The following ANKLE2 variants were observed in gnomAD, a reference collection of about 807,000 sequenced individuals.
The protein encoded by ANKLE2 is ankyrin repeat and LEM domain containing 2.
In ANKLE2, 55 loss-of-function variants were observed where a neutral mutation model predicts 84.2. The ratio of observed to expected loss-of-function variants is 0.65; its 90% CI spans 0.53 to 0.82. The LOEUF (loss-of-function observed/expected upper bound fraction) is 0.82. ANKLE2 is among the 40% of genes least tolerant of loss of function. The pLI is 0.00. For missense variants in ANKLE2, 1,238 were observed against 1,201.9 expected, an observed-to-expected ratio of 1.03 and a Z score of -0.44; for synonymous variants, 551 against 486.1, an observed-to-expected ratio of 1.13 and a Z score of -1.76.
In ANKLE2 at chr12:132,754,688, G is replaced by A. The variant is rs1212519582; in HGVS notation, c.627C>T (p.Val209=). ...YYGVCPVYED[V]PARNERIYVY... ...CGGTCCCATTACCATTTCTCGCTGG[G>A]ACGTCCTCATACACTGGACACACCC... The change falls in exon 2 of 13, where the codon GTC becomes GTT. Residue 209 remains valine, a synonymous_variant. Transcript: ENST00000357997. 1.2e-6 allele frequency: 2 copies of A among 1,600,636 alleles called. No homozygotes were observed. Among genetic ancestry groups the A allele is most frequent in the Admixed American group, 1.7e-5 (1 of 58,126 alleles).
rs2044279927 is a variant in ANKLE2 at position 132,748,169 on chromosome 12, A to G, written c.1010T>C (p.Ile337Thr). Residue 337 changes from isoleucine (I) to threonine (T), a missense_variant, in exon 4 of 13, where the codon ATA becomes ACA. This residue lies in a region of ANKLE2 where 14 missense variants were observed against 33.0 expected (regional missense o/e 0.42). Transcript: ENST00000357997. ...GATAGTGGGGTTGTCTCCTGAGCCTATCAGATACCGGGGGTTGCTCCAGAT... is the reference window on the plus strand; with the variant it reads ...GATAGTGGGGTTGTCTCCTGAGCCTGTCAGATACCGGGGGTTGCTCCAGAT... ...DLIWSNPRYL[I>T]GSGDNPTIVQ... 1 of 1,613,732 alleles carries G rather than the reference A, an allele frequency of 6.2e-7. No homozygotes were observed.
chr12:132,731,524 TCACACA>T lies in ANKLE2; in HGVS notation c.1892-1260_1892-1255del, dbSNP rs143631173. The T allele has an allele frequency of 3.5e-5, 5 of 144,712 alleles. No individual in the cohort carries two copies. The South Asian group carries it at 6.5e-4, about 19-fold the overall frequency. The allele number at this position is 144,712 out of a possible 1,614,324, so 9.0% of individuals were successfully genotyped here. ...CACACAAACTCACACAGACACACAC[TCACACA>T]CACACACACACAGTTTAAACTGTAT... On this transcript the variant is annotated intron_variant, in intron 10 of 12. Coordinates refer to ENST00000357997, the MANE Select transcript of ANKLE2 (RefSeq NM_015114.3).
chr12:132,735,453 G>A lies in ANKLE2; in HGVS notation c.1653C>T (p.His551=). Reference sequence around the variant, plus strand: ...TTTCCGGGTCCGACTTCTTGACGTGGTGAAGGAAGCCTGCTTTCTCTCGAG... The same window carrying A: ...TTTCCGGGTCCGACTTCTTGACGTGATGAAGGAAGCCTGCTTTCTCTCGAG... ...TPPREKAGFL[H]HVKKSDPERG... is the part of the protein sequence containing the mutation. The change falls in exon 9 of 13, where the codon CAC becomes CAT. Residue 551 remains histidine (H), a synonymous_variant. Coordinates refer to ENST00000357997, the MANE Select transcript of ANKLE2 (RefSeq NM_015114.3). The A allele has an allele frequency of 6.2e-7, 1 of 1,614,088 alleles. No individual in the cohort carries two copies. Among genetic ancestry groups the A allele is most frequent in the Non-Finnish European group, 8.5e-7 (1 of 1,180,016 alleles).
intron 2 of ANKLE2, 100 bp from the exon 3 acceptor site, chr12:132,750,949 C>T: frequency 9.5e-7 from 1 of 1,055,356 alleles, no homozygotes; most frequent in Non-Finnish European, 1.4e-6. Context: ...ACATCTGCTA[C>T]CCAGTCGCCT....
chr12:132,749,274 G>A (rs2044307068), intron 3 of ANKLE2, among the ~76,000 whole-genome samples: 10 of 152,126 alleles, frequency 6.6e-5, no homozygotes, highest in Admixed American at 6.6e-4. Context: ...TCCTGCCTCA[G>A]CCTCCCAAGT....
chr12:132,753,349 A>C (rs2044400921), intron 2 of ANKLE2, among the ~76,000 whole-genome samples: 1 of 152,028 alleles, frequency 6.6e-6, no homozygotes, highest in African/African-American at 2.4e-5. Context: ...AAAACAACCA[A>C]TTAGCTAGGC....
chr12:132,730,301 T>C (rs770249853), intron 10 of ANKLE2, 31 bp from the exon 11 acceptor site: 61 of 1,521,442 alleles, frequency 4.0e-5, no homozygotes, highest in South Asian at 5.0e-5. Flanking sequence ...ACTTCAGTGA[T>C]GGGAACGACA....
chr12:132,746,639 T>C (rs2044244801), intron 5 of ANKLE2, among the ~76,000 whole-genome samples: 1 of 152,180 alleles, frequency 6.6e-6, no homozygotes, highest in African/African-American at 2.4e-5. Context: ...CAGTGGACTT[T>C]TCAAAAATCG....
intron 5 of ANKLE2, among the ~76,000 whole-genome samples, chr12:132,746,205 C>T (rs1306569854): frequency 6.6e-6 from 1 of 152,090 alleles, no homozygotes; most frequent in Non-Finnish European, 1.5e-5. Flanking sequence ...AAAAATTAGC[C>T]AGGCATGGTG....
At chr12:132,739,326 A>G (rs2044076129) in intron 7 of ANKLE2, among the ~76,000 whole-genome samples, 1 of 152,150 alleles carries the variant, frequency 6.6e-6, no homozygotes, top group Non-Finnish European at 1.5e-5. Context: ...TCCATTCAAG[A>G]GTACTAATTT....
In ANKLE2 at chr12:132,750,635, T is replaced by A. The variant is rs1022520233; in HGVS notation, c.847+8A>T. The stretch of plus-strand genomic sequence containing the variant: ...GAACATCAAGATGTGAACGGCTGCA[T>A]GATTTACCTTTCAACCTGTCATTGC... On this transcript the variant is annotated splice_region_variant and intron_variant, in intron 3 of 12. Transcript: ENST00000357997. The A allele has an allele frequency of 1.2e-6, 2 of 1,613,654 alleles. No homozygotes were observed. The highest frequency in any genetic ancestry group is 1.3e-5 in the African/African-American group (1 of 74,932).
In ANKLE2 at chr12:132,732,878, A is replaced by G. The variant is rs1167414770; in HGVS notation, c.1891+1507T>C. Among the ~76,000 whole-genome samples the G allele has an allele frequency of 3.4e-3, 233 of 69,268 alleles. 1 individual carries two copies. The highest frequency in any genetic ancestry group is 0.031 in the Middle Eastern group (2 of 64). The allele number at this position is 69,268 out of a possible 152,430, so 45.4% of individuals were successfully genotyped here. Reference sequence around the variant, plus strand: ...ATATGCACCGTGTGAAGCGCTCTGCATCCTGGTGTCTGAAATGCACCGTGT... The same window carrying G: ...ATATGCACCGTGTGAAGCGCTCTGCGTCCTGGTGTCTGAAATGCACCGTGT... On this transcript the variant is annotated intron_variant, in intron 10 of 12. Transcript: ENST00000357997.
intron 5 of ANKLE2, among the ~76,000 whole-genome samples, chr12:132,744,685 T>TA (rs1361941156): frequency 6.6e-6 from 1 of 152,054 alleles, no homozygotes; most frequent in Non-Finnish European, 1.5e-5. Context: ...GTAAGCACTA[T>TA]AGACTTTTTT....
chr12:132,734,345 G>C (rs755322759), intron 10 of ANKLE2, 40 bp downstream of exon 10: 1 of 1,602,532 alleles, frequency 6.2e-7, no homozygotes, highest in Non-Finnish European at 8.5e-7. Context: ...GCCATGGGGG[G>C]CCCCTCCCAG....
At chr12:132,734,330 C>G in intron 10 of ANKLE2, 55 bp downstream of exon 10, 1 of 1,585,702 alleles carries the variant, frequency 6.3e-7, no homozygotes, top group Admixed American at 1.8e-5. Flanking sequence ...TCCCGTCAGA[C>G]CCCGGCCATG....
rs753760285 is a variant in ANKLE2, at chr12:132,734,574, C to T, written c.1702G>A (p.Glu568Lys). ...PERGFERVGR[E>K]LAHELGYPWV... is the part of the protein sequence containing the mutation. ...GGATACCCCAGCTCATGAGCTAGCT[C>T]CCTGTAAGAAACAAAACACAATTAA... Residue 568 changes from glutamate to lysine, a missense_variant and splice_region_variant, in exon 10 of 13, where the codon GAG becomes AAG. This residue lies in a region of ANKLE2 where 802 missense variants were observed against 774.5 expected (regional missense o/e 1.04). Coordinates refer to ENST00000357997, the MANE Select transcript of ANKLE2 (RefSeq NM_015114.3). 1.2e-6 allele frequency: 2 copies of T among 1,603,296 alleles called. No homozygotes were observed. Among genetic ancestry groups the T allele is most frequent in the Admixed American group, 3.5e-5 (2 of 56,664 alleles).
intron 3 of ANKLE2, 119 bp from the exon 4 acceptor site, chr12:132,748,450 G>C: frequency 8.7e-7 from 1 of 1,145,684 alleles, no homozygotes. Flanking sequence ...CAACTGGGAG[G>C]CACAGGTGAG....
At chr12:132,759,169 TGGC>T (rs2044556949) in intron 1 of ANKLE2, 1 of 41,634 alleles carries the variant, frequency 2.4e-5, no homozygotes, top group South Asian at 9.3e-4. Context: ...CGCTGCGGAG[TGGC>T]ACCCCGGGGC....
At position 132,725,868 on chromosome 12, in the gene ANKLE2, CAAATG is replaced by C. The variant is rs1239727446; in HGVS notation, c.*1369_*1373del. 6.6e-6 allele frequency: 1 copy of C among 152,288 alleles called. No homozygotes were observed. Among genetic ancestry groups the C allele is most frequent in the East Asian group, 1.9e-4 (1 of 5,190 alleles). 9.4% of individuals were successfully genotyped at this position (152,288 alleles called of 1,614,324 possible). ...GATCTAGATCTTGTCTGCTACAAAA[CAAATG>C]AACACACCCTGTGTAACAAAATCGA... On this transcript the variant is annotated 3_prime_UTR_variant, in exon 13 of 13. Transcript: ENST00000357997.
Sources: gnomAD v4.1 joint callset for allele counts (sites outside exome capture counted in the v4.1 genomes callset) on GRCh38, gnomAD v4.1.1 for gene constraint, gnomAD v4.1.1 regional missense constraint, MANE v1.5 for transcripts, NCBI Gene and HGNC (gene_info 2026-07-23, HGNC 2026-07-21) for gene names.